PHTF2: variants seen among roughly 807,000 people sequenced by gnomAD.
The protein encoded by PHTF2 is protein PHTF2.
PHTF2 carries 60 observed loss-of-function variants against 101.2 expected under a neutral mutation model. The observed-to-expected ratio is 0.59, with a 90% CI of 0.48 to 0.73. The LOEUF (loss-of-function observed/expected upper bound fraction) is 0.73, where lower values mean the gene tolerates loss of function less well. PHTF2 is among the 30% of genes least tolerant of loss of function. The probability of loss-of-function intolerance (pLI) is 0.00; values close to 1 mark genes in which losing one functional copy is unlikely to be tolerated. For synonymous variants in PHTF2, 311 were observed against 307.3 expected (o/e 1.01, Z -0.13); for missense variants, 747 against 908.7 (o/e 0.82, Z 2.29).
intron 12 of PHTF2, among the ~76,000 whole-genome samples, chr7:77,930,834 G>A (rs1244848660): frequency 2.6e-5 from 4 of 152,130 alleles, no homozygotes; most frequent in African/African-American, 9.7e-5. Flanking sequence ...GAGTTAGGCT[G>A]ATTTAAAGTC....
intron 12 of PHTF2, 147 bp from the exon 12 acceptor site, chr7:77,937,563 A>G: frequency 3.2e-6 from 1 of 314,146 alleles, no homozygotes; most frequent in Non-Finnish European, 5.8e-6. Context: ...TTCCATTTAT[A>G]AAACATGATA....
intron 13 of PHTF2, among the ~76,000 whole-genome samples, chr7:77,939,752 CTT>C (rs1337646218): frequency 2.6e-5 from 4 of 152,002 alleles, no homozygotes; most frequent in Non-Finnish European, 5.9e-5. Context: ...ATATTTCTAA[CTT>C]GAAATAATGA....
intron 1 of PHTF2, among the ~76,000 whole-genome samples, chr7:77,828,976 C>A (rs1794885451): frequency 6.6e-6 from 1 of 152,020 alleles, no homozygotes; most frequent in South Asian, 2.1e-4. Context: ...GAGTTTGAGA[C>A]CAGCCTGGAC....
chr7:77,854,601 C>T (rs1797024090), intron 2 of PHTF2: 3 of 620,446 alleles, frequency 4.8e-6, no homozygotes, highest in Admixed American at 2.4e-5. Context: ...TACAGAAATG[C>T]CATCCAGGAG....
chr7:77,862,644 A>C (rs914860224), intron 3 of PHTF2, among the ~76,000 whole-genome samples: 1 of 152,236 alleles, frequency 6.6e-6, no homozygotes, highest in Non-Finnish European at 1.5e-5. Context: ...TTGGAAAGAA[A>C]AATATTTTAT....
At chr7:77,868,047 T>A (rs542611878) in intron 3 of PHTF2, among the ~76,000 whole-genome samples, 1 of 152,114 alleles carries the variant, frequency 6.6e-6, no homozygotes, top group Non-Finnish European at 1.5e-5. Context: ...TTTCCTTTTT[T>A]CCCCCCATTC....
chr7:77,855,435 C>G (rs1797098345), intron 3 of PHTF2, among the ~76,000 whole-genome samples: 1 of 152,202 alleles, frequency 6.6e-6, no homozygotes, highest in South Asian at 2.1e-4. Flanking sequence ...GCTGCACTCC[C>G]TGGAGTTGGA....
chr7:77,952,258 TC>T (rs1806615282), intron 18 of PHTF2, among the ~76,000 whole-genome samples: 1 of 152,162 alleles, frequency 6.6e-6, no homozygotes, highest in Non-Finnish European at 1.5e-5. Flanking sequence ...TGTTTTTAGT[TC>T]TTAAAAGGAA....
At chr7:77,909,505 T>C (rs919469057) in intron 8 of PHTF2, 2 of 151,898 alleles carry the variant, frequency 1.3e-5, no homozygotes, top group African/African-American at 4.8e-5. Flanking sequence ...GGAATACAGG[T>C]GTATGCCACC....
chr7:77,881,625 C>T (rs1799432600), intron 3 of PHTF2, among the ~76,000 whole-genome samples: 1 of 152,088 alleles, frequency 6.6e-6, no homozygotes, highest in Admixed American at 6.5e-5. Context: ...CTCACCTCGG[C>T]CTCCCAAAGT....
At chr7:77,873,337 T>C (rs189967245) in intron 3 of PHTF2, among the ~76,000 whole-genome samples, 1 of 152,324 alleles carries the variant, frequency 6.6e-6, no homozygotes, top group East Asian at 1.9e-4. Flanking sequence ...TCCGCCGTTA[T>C]CCCACACCCT....
intron 7 of PHTF2, among the ~76,000 whole-genome samples, chr7:77,903,658 A>C (rs1333344778): frequency 6.6e-6 from 1 of 152,234 alleles, no homozygotes; most frequent in Non-Finnish European, 1.5e-5. Context: ...TATGATGAAC[A>C]CTAAACATTC....
intron 16 of PHTF2, among the ~76,000 whole-genome samples, chr7:77,943,094 A>T (rs190936411): frequency 6.7e-6 from 1 of 148,456 alleles, no homozygotes; most frequent in African/African-American, 2.4e-5. Context: ...TATCCAATTT[A>T]TTCATGTTTA....
chr7:77,954,517 G>A (rs1384257497), intron 19 of PHTF2, among the ~76,000 whole-genome samples: 1 of 150,422 alleles, frequency 6.6e-6, no homozygotes, highest in Non-Finnish European at 1.5e-5. Flanking sequence ...GCCAAAAGTT[G>A]TATTATTTAT....
intron 1 of PHTF2, among the ~76,000 whole-genome samples, chr7:77,831,866 T>C (rs1009215341): frequency 1.3e-5 from 2 of 152,150 alleles, no homozygotes; most frequent in African/African-American, 4.8e-5. Flanking sequence ...CAGGATGTGA[T>C]TAAAATTATC....
chr7:77,922,784 T>C lies in PHTF2; in HGVS notation c.1119+6T>C. 6.4e-7 allele frequency: 1 copy of C among 1,554,222 alleles called. No homozygotes were observed. Among genetic ancestry groups the C allele is most frequent in the Non-Finnish European group, 8.8e-7 (1 of 1,136,058 alleles). ...AGAAACATTACCCTAATGAGGTATA[T>C]ACTTTGTCCTTAAGTGTATACATAC... On this transcript the variant is annotated splice_donor_region_variant and intron_variant, in intron 11 of 19. Coordinates refer to ENST00000416283, the Ensembl canonical transcript of PHTF2.
chr7:77,944,016 TA>T (rs1013566641), intron 16 of PHTF2, among the ~76,000 whole-genome samples: 202 of 144,082 alleles, frequency 1.4e-3, no homozygotes, highest in Middle Eastern at 3.5e-3. Context: ...AACAAACAAA[TA>T]AAAAAAAAAA....
At chr7:77,895,502 G>A (rs1354701928) in intron 5 of PHTF2, among the ~76,000 whole-genome samples, 1 of 152,020 alleles carries the variant, frequency 6.6e-6, no homozygotes, top group Non-Finnish European at 1.5e-5. Context: ...CAGTTAGAAA[G>A]CCTTTAACTC....
chr7:77,902,748 A>T (rs749095470), intron 7 of PHTF2, among the ~76,000 whole-genome samples: 6 of 152,272 alleles, frequency 3.9e-5, no homozygotes, highest in Non-Finnish European at 8.8e-5. Context: ...ACAATCCTGA[A>T]TGATTATTTA....
Sources: gnomAD v4.1 joint callset for allele counts (sites outside exome capture counted in the v4.1 genomes callset) on GRCh38, gnomAD v4.1.1 for gene constraint, MANE v1.5 for transcripts, NCBI Gene and HGNC (gene_info 2026-07-23, HGNC 2026-07-21) for gene names.